The following SGCZ variants were observed in gnomAD, a reference collection of about 807,000 sequenced individuals.
SGCZ encodes the protein zeta-sarcoglycan.
Under a neutral mutation model 41.3 loss-of-function variants are expected in SGCZ, and 40 were observed. That is an observed-to-expected ratio of 0.97 (90% confidence interval 0.75 to 1.26). The LOEUF is 1.26. Among genes scored for constraint, SGCZ ranks in the 50% most tolerant of loss-of-function variants. The probability of loss-of-function intolerance (pLI) is 0.00; values close to 1 mark genes in which losing one functional copy is unlikely to be tolerated. For synonymous variants in SGCZ, 206 were observed against 137.5 expected, an observed-to-expected ratio of 1.50 and a Z score of -3.49; for missense variants, 552 against 369.8, an observed-to-expected ratio of 1.49 and a Z score of -4.04.
chr8:14,207,098 C>T (rs964719182), intron 4 of SGCZ, among the ~76,000 whole-genome samples: 1 of 39,660 alleles, frequency 2.5e-5, no homozygotes, highest in African/African-American at 2.0e-4. Flanking sequence ...CAATAAGACC[C>T]CTTTCGATGT....
chr8:14,293,914 G>A (rs1800927580), intron 3 of SGCZ, among the ~76,000 whole-genome samples: 1 of 151,698 alleles, frequency 6.6e-6, no homozygotes, highest in Non-Finnish European at 1.5e-5. Context: ...TTTAATAAAT[G>A]TTTTCATCAA....
rs1453040864 is a variant in SGCZ at position 14,390,909 on chromosome 8, G to A, written c.235-66705C>T. 3.9e-5 allele frequency among the ~76,000 whole-genome samples: 6 copies of A among 152,034 alleles called. No individual in the cohort carries two copies. The East Asian group carries it at 1.2e-3, about 29-fold the overall frequency. ...AATGTCCAACTTTGACACCACTCAT[G>A]AGAAATCAGAGAAATAAAGTTTACA... On this transcript the variant is annotated intron_variant, in intron 2 of 7. Transcript: ENST00000382080.
chr8:14,248,342 C>G (rs1425840417), intron 3 of SGCZ, among the ~76,000 whole-genome samples: 1 of 152,128 alleles, frequency 6.6e-6, no homozygotes, highest in Non-Finnish European at 1.5e-5. Context: ...AACTACCTAT[C>G]ATGATGATGG....
intron 1 of SGCZ, among the ~76,000 whole-genome samples, chr8:15,049,987 C>A (rs1289414584): frequency 6.6e-6 from 1 of 152,102 alleles, no homozygotes; most frequent in African/African-American, 2.4e-5. Context: ...ATAAATTACC[C>A]AGTCTCAGGC....
At chr8:14,966,043 A>C (rs12546303) in intron 1 of SGCZ, among the ~76,000 whole-genome samples, 60,235 of 151,872 alleles carry the variant, frequency 0.4, 12,952 homozygotes, top group Non-Finnish European at 0.46. Flanking sequence ...GACTTAGTTA[A>C]CTAATGAATT....
intron 1 of SGCZ, among the ~76,000 whole-genome samples, chr8:15,104,566 C>T (rs917344345): frequency 6.6e-6 from 1 of 152,220 alleles, no homozygotes; most frequent in Non-Finnish European, 1.5e-5. Flanking sequence ...AATAGCCACG[C>T]AAATTTTCCT....
intron 1 of SGCZ, among the ~76,000 whole-genome samples, chr8:14,851,615 T>C (rs1261442119): frequency 6.6e-6 from 1 of 152,128 alleles, no homozygotes; most frequent in East Asian, 1.9e-4. Context: ...CAAAACACAT[T>C]ACCAATTAAA....
At chr8:15,226,665 C>T (rs1044948098) in intron 1 of SGCZ, among the ~76,000 whole-genome samples, 4 of 152,152 alleles carry the variant, frequency 2.6e-5, no homozygotes, top group Admixed American at 2.6e-4. Flanking sequence ...AGAGAGAATA[C>T]ATAAATCCCT....
intron 1 of SGCZ, among the ~76,000 whole-genome samples, chr8:14,565,642 A>G (rs1332470686): frequency 6.6e-6 from 1 of 152,154 alleles, no homozygotes; most frequent in Non-Finnish European, 1.5e-5. Context: ...GGAGAGCTTA[A>G]CTGGGCAAGC....
At chr8:14,778,652 A>C (rs982414707) in intron 1 of SGCZ, among the ~76,000 whole-genome samples, 1 of 152,246 alleles carries the variant, frequency 6.6e-6, no homozygotes, top group Non-Finnish European at 1.5e-5. Context: ...ATCTAATAGA[A>C]AACTGGGCAA....
chr8:14,556,139 CT>C (rs1209611315), intron 1 of SGCZ, among the ~76,000 whole-genome samples: 2 of 151,684 alleles, frequency 1.3e-5, no homozygotes, highest in Non-Finnish European at 2.9e-5. Flanking sequence ...CTGAATATGT[CT>C]TAAGTGTACA....
intron 2 of SGCZ, among the ~76,000 whole-genome samples, chr8:14,474,476 T>G (rs1425062613): frequency 1.3e-5 from 2 of 152,206 alleles, no homozygotes; most frequent in African/African-American, 2.4e-5. Context: ...TTGATTAGTA[T>G]CAGATGCACA....
chr8:14,775,507 G>T (rs1271010375), intron 1 of SGCZ, among the ~76,000 whole-genome samples: 2 of 151,312 alleles, frequency 1.3e-5, no homozygotes, highest in East Asian at 3.9e-4. Context: ...GTGTACACAG[G>T]GGGGAATAGA....
intron 4 of SGCZ, among the ~76,000 whole-genome samples, chr8:14,205,459 G>A (rs1318042543): frequency 6.6e-6 from 1 of 152,102 alleles, no homozygotes; most frequent in Non-Finnish European, 1.5e-5. Context: ...ATTGATACAT[G>A]TTTCAGTTTT....
At chr8:14,104,151 G>C (rs1236042961) in intron 6 of SGCZ, among the ~76,000 whole-genome samples, 1 of 152,086 alleles carries the variant, frequency 6.6e-6, no homozygotes, top group East Asian at 1.9e-4. Context: ...GGAAACCCAA[G>C]TTTATTGGTA....
intron 1 of SGCZ, among the ~76,000 whole-genome samples, chr8:14,909,932 A>T (rs1799233856): frequency 6.6e-6 from 1 of 152,102 alleles, no homozygotes; most frequent in Non-Finnish European, 1.5e-5. Flanking sequence ...CAAAAACTGT[A>T]CTATATTTTA....
chr8:14,591,885 C>A (rs1805253036), intron 1 of SGCZ, among the ~76,000 whole-genome samples: 1 of 152,092 alleles, frequency 6.6e-6, no homozygotes, highest in Non-Finnish European at 1.5e-5. Flanking sequence ...CCTGCTAAGT[C>A]CATACAATTA....
intron 1 of SGCZ, among the ~76,000 whole-genome samples, chr8:14,697,052 C>T (rs1420564489): frequency 2.0e-5 from 3 of 151,974 alleles, no homozygotes. Flanking sequence ...TTTAGGAGAA[C>T]TATCCAATAT....
At position 14,177,057 on chromosome 8, in the gene SGCZ, A is replaced by G. The variant is rs183318191; in HGVS notation, c.425-12355T>C. On this transcript the variant is annotated intron_variant, in intron 4 of 7. Coordinates refer to ENST00000382080, the MANE Select transcript of SGCZ (RefSeq NM_139167.4). ...CGGTTGGTATACAGACAAGGATCGT[A>G]GAGAGTAAGCGATGAGTCACTGGGA... Among the ~76,000 whole-genome samples the G allele has an allele frequency of 2.0e-5, 3 of 152,250 alleles. No individual in the cohort carries two copies. In the East Asian group the frequency reaches 5.8e-4, roughly 29 times the overall value.
Sources: gnomAD v4.1 joint callset for allele counts (sites outside exome capture counted in the v4.1 genomes callset) on GRCh38, gnomAD v4.1.1 for gene constraint, MANE v1.5 for transcripts, NCBI Gene and HGNC (gene_info 2026-07-23, HGNC 2026-07-21) for gene names.